Variants in RPA2 observed in about 807,000 individuals in gnomAD.
The protein encoded by RPA2 is replication protein A2, also known as replication protein A 32 kDa subunit.
RPA2 carries 22 observed loss-of-function variants against 33.4 expected under a neutral mutation model. That is an observed-to-expected ratio of 0.66 (90% CI 0.47 to 0.94). The LOEUF (loss-of-function observed/expected upper bound fraction) is 0.94, where lower values mean the gene tolerates loss of function less well. RPA2 is among the 40% of genes least tolerant of loss of function. RPA2 has a pLI of 0.00. For synonymous variants in RPA2, 109 were observed against 114.9 expected (o/e 0.95, Z 0.33); for missense variants, 279 against 329.9 (o/e 0.85, Z 1.19).
Position 27,894,009 on chromosome 1 carries a change from T to TA in RPA2, c.728+2dup. The TA allele has an allele frequency of 1.2e-6, 2 of 1,611,598 alleles. No homozygotes were observed. The highest frequency in any genetic ancestry group is 1.7e-6 in the Non-Finnish European group (2 of 1,177,680). ...CCTGAGCTCATGAAAATCAAATACT[T>TA]ACTTGATTGAGGATACAGACATGTG... On this transcript the variant is annotated splice_region_variant and intron_variant, in intron 8 of 8. Transcript: ENST00000373912.
chr1:27,901,154 T>C (rs6679432), intron 4 of RPA2, among the ~76,000 whole-genome samples: 68,655 of 151,894 alleles, frequency 0.45, 16,504 homozygotes, highest in African/African-American at 0.63. Context: ...ATCGAGAAAT[T>C]TTATGTGAAA....
At chr1:27,898,967 G>A (rs1468207341) in intron 4 of RPA2, among the ~76,000 whole-genome samples, 1 of 152,168 alleles carries the variant, frequency 6.6e-6, no homozygotes, top group Non-Finnish European at 1.5e-5. Context: ...TAGCACTTTA[G>A]GAGGACAAGG....
At chr1:27,904,797 G>A (rs2090008216) in intron 4 of RPA2, among the ~76,000 whole-genome samples, 1 of 151,886 alleles carries the variant, frequency 6.6e-6, no homozygotes, top group Admixed American at 6.6e-5. Context: ...CTGGGTAGCT[G>A]GGATTACAGG....
chr1:27,896,884 G>T, intron 6 of RPA2, 121 bp downstream of exon 6: 1 of 652,678 alleles, frequency 1.5e-6, no homozygotes, highest in Admixed American at 2.7e-5. Context: ...GTGTTCTGAG[G>T]ACTTAGTGAT....
chr1:27,907,300 G>A lies in RPA2; in HGVS notation c.118-18C>T. 6.3e-7 allele frequency: 1 copy of A among 1,583,016 alleles called. No individual in the cohort carries two copies. The highest frequency in any genetic ancestry group is 8.6e-7 in the Non-Finnish European group (1 of 1,164,016). The stretch of plus-strand genomic sequence containing the variant: ...CGGGCTCTCTGAAAAGAAAAAACAT[G>A]CAAAATTCAATTAAGAAAGTAATAA... On this transcript the variant is annotated intron_variant, in intron 2 of 8. Transcript: ENST00000373912.
In RPA2 at chr1:27,894,030, A is replaced by T. The variant is rs1455059474; in HGVS notation, c.710T>A (p.Met237Lys). Residue 237 changes from methionine (M) to lysine (K), a missense_variant, in exon 8 of 9, where the codon ATG (methionine) becomes AAG (lysine). Transcript: ENST00000373912. ...FQDLKNQLKHMSVSSIKQAVD... is the reference protein window; with the variant it reads ...FQDLKNQLKHKSVSSIKQAVD... ...TACTTACTTGATTGAGGATACAGAC[A>T]TGTGTTTCAGCTGGTTCTTGAGATC... 1.2e-6 allele frequency: 2 copies of T among 1,614,002 alleles called. No individual in the cohort carries two copies. Among genetic ancestry groups the T allele is most frequent in the East Asian group, 2.2e-5 (1 of 44,892 alleles).
chr1:27,894,579 TA>T (rs1053964203), intron 6 of RPA2, among the ~76,000 whole-genome samples, 182 bp from the exon 7 acceptor site: 1 of 152,198 alleles, frequency 6.6e-6, no homozygotes, highest in African/African-American at 2.4e-5. Flanking sequence ...GAAGATAAAG[TA>T]ACTCCCCGAA....
chr1:27,907,075 G>T (rs752260343), intron 3 of RPA2, 34 bp from the exon 4 acceptor site: 1 of 1,544,550 alleles, frequency 6.5e-7, no homozygotes. Flanking sequence ...AAAAAAAAAG[G>T]TCTGGTTCCC....
intron 4 of RPA2, among the ~76,000 whole-genome samples, chr1:27,904,685 A>T (rs2090006458): frequency 2.0e-5 from 3 of 151,872 alleles, no homozygotes; most frequent in Non-Finnish European, 4.4e-5. Context: ...TCTGTTGCCC[A>T]GAGCAACAGA....
Position 27,907,177 on chromosome 1 carries a change from A to C in RPA2, c.219+4T>G. 1 of 1,608,310 alleles carries C rather than the reference A, an allele frequency of 6.2e-7. No individual in the cohort carries two copies. The highest frequency in any genetic ancestry group is 8.5e-7 in the Non-Finnish European group (1 of 1,177,658). On this transcript the variant is annotated splice_donor_region_variant and intron_variant, in intron 3 of 8. Transcript: ENST00000373912. ...GTGATTCTTTCACAAATTATTTGAC[A>C]TACCTGTGAAATCTCAACATTCCCA... is the stretch of plus-strand genomic sequence containing the variant.
At chr1:27,910,232 CTG>C (rs1347246688) in intron 2 of RPA2, among the ~76,000 whole-genome samples, 1 of 152,112 alleles carries the variant, frequency 6.6e-6, no homozygotes, top group Non-Finnish European at 1.5e-5. Context: ...TTTCTGAAAA[CTG>C]GGGATATACA....
Position 27,914,050 on chromosome 1 carries a change from C to T in RPA2, c.117+13G>A, listed in dbSNP as rs1485874244. On this transcript the variant is annotated intron_variant, in intron 2 of 8. Coordinates refer to ENST00000373912, the MANE Select transcript of RPA2 (RefSeq NM_002946.5). ...ACAGGATAAAACAAAACTAAATACTCCTTTCAACCTACTGATTTCTTTTCG... is the reference window on the plus strand; with the variant it reads ...ACAGGATAAAACAAAACTAAATACTTCTTTCAACCTACTGATTTCTTTTCG... 6.3e-7 allele frequency: 1 copy of T among 1,575,208 alleles called. No homozygotes were observed. Among genetic ancestry groups the T allele is most frequent in the South Asian group, 1.2e-5 (1 of 86,308 alleles).
chr1:27,906,335 C>T (rs2090028083), intron 4 of RPA2, among the ~76,000 whole-genome samples: 1 of 151,200 alleles, frequency 6.6e-6, no homozygotes. Context: ...CCATTGCACT[C>T]CAGCCTGGGT....
At position 27,897,685 on chromosome 1, in the gene RPA2, A is replaced by T. The variant is rs1188866853; in HGVS notation, c.356T>A (p.Val119Glu). 3.1e-6 allele frequency: 5 copies of T among 1,601,982 alleles called. No homozygotes were observed. The South Asian group carries it at 5.7e-5, about 18-fold the overall frequency. The change falls in exon 5 of 9, where the codon GTG (valine) becomes GAG (glutamate). Residue 119 changes from valine to glutamate, a missense_variant. Physicochemically the swap from Val to Glu is moderately radical, Grantham distance 121. Coordinates refer to ENST00000373912, the MANE Select transcript of RPA2 (RefSeq NM_002946.5). Reference sequence around the variant, plus strand: ...TTTCACATATGTTTCTGGAGGAACCACAGTGTTTTCACTGCTGGTGTCCTA... The same window carrying T: ...TTTCACATATGTTTCTGGAGGAACCTCAGTGTTTTCACTGCTGGTGTCCTA... Reference protein sequence around the residue: ...DTDDTSSENTVVPPETYVKVA... With the variant: ...DTDDTSSENTEVPPETYVKVA...
intron 6 of RPA2, among the ~76,000 whole-genome samples, chr1:27,895,828 T>C (rs913948597): frequency 6.6e-6 from 1 of 152,166 alleles, no homozygotes; most frequent in East Asian, 1.9e-4. Context: ...CCCCATATAA[T>C]CTGGGCCCTG....
chr1:27,914,359 C>A (rs1215243777), intron 1 of RPA2, 75 bp downstream of exon 1: 2 of 1,614,100 alleles, frequency 1.2e-6, no homozygotes, highest in East Asian at 2.2e-5. Context: ...ACACGCCTCT[C>A]GGACCCTAGG....
intron 1 of RPA2, 82 bp downstream of exon 1, chr1:27,914,352 C>A (rs576032484): frequency 6.2e-7 from 1 of 1,614,034 alleles, no homozygotes; most frequent in African/African-American, 1.3e-5. Flanking sequence ...CGCTACCACA[C>A]GCCTCTCGGA....
At chr1:27,914,004 A>G in intron 2 of RPA2, 59 bp downstream of exon 2, 1 of 1,457,244 alleles carries the variant, frequency 6.9e-7, no homozygotes, top group Non-Finnish European at 9.2e-7. Flanking sequence ...TTTCTGTCAT[A>G]GATGACTCAG....
At chr1:27,901,943 C>G (rs2089972844) in intron 4 of RPA2, among the ~76,000 whole-genome samples, 1 of 150,758 alleles carries the variant, frequency 6.6e-6, no homozygotes, top group African/African-American at 2.4e-5. Flanking sequence ...TTCTTGCAAA[C>G]AAAAACACTG....
Sources: gnomAD v4.1 joint callset for allele counts (sites outside exome capture counted in the v4.1 genomes callset) on GRCh38, gnomAD v4.1.1 for gene constraint, MANE v1.5 for transcripts, NCBI Gene and HGNC (gene_info 2026-07-23, HGNC 2026-07-21) for gene names.